ITPKB: variants seen among roughly 807,000 people sequenced by gnomAD.
The protein encoded by ITPKB is IP3 3-kinase B.
A neutral mutation model predicts 69.4 loss-of-function variants in ITPKB; 13 were observed. That is an observed-to-expected ratio of 0.19 (90% CI 0.12 to 0.30). The LOEUF is 0.30. Ranked by LOEUF, ITPKB falls within the 10% of genes least tolerant of loss-of-function variation. The pLI is 1.00. For synonymous variants in ITPKB, 584 were observed against 513.7 expected (o/e 1.14, Z -1.85); for missense variants, 1,240 against 1,250.5 (o/e 0.99, Z 0.13).
At chr1:226,649,917 A>G (rs537442216) in intron 2 of ITPKB, among the ~76,000 whole-genome samples, 1 of 152,310 alleles carries the variant, frequency 6.6e-6, no homozygotes, top group South Asian at 2.1e-4. Flanking sequence ...CAGGCTGCAG[A>G]GATGAAGATC....
intron 2 of ITPKB, among the ~76,000 whole-genome samples, chr1:226,660,396 C>T (rs557634027): frequency 4.9e-4 from 75 of 152,340 alleles, no homozygotes; most frequent in African/African-American, 1.5e-3. Flanking sequence ...TCTTGCTAAA[C>T]CAGAGTCTTT....
intron 2 of ITPKB, among the ~76,000 whole-genome samples, chr1:226,716,576 G>A (rs1052501062): frequency 2.6e-5 from 4 of 151,996 alleles, no homozygotes; most frequent in African/African-American, 7.3e-5. Flanking sequence ...ACCTCCACCC[G>A]CAAAAGGCCT....
intron 2 of ITPKB, among the ~76,000 whole-genome samples, chr1:226,708,133 T>A (rs1656855900): frequency 1.3e-5 from 2 of 152,192 alleles, no homozygotes. Flanking sequence ...ACAATCAGAT[T>A]GCAATTATGT....
rs1197178907 is a variant in ITPKB, at chr1:226,693,644, AT to A, written c.1932+41882del. On this transcript the variant is annotated intron_variant, in intron 2 of 7. Coordinates refer to ENST00000429204, the MANE Select transcript of ITPKB (RefSeq NM_002221.4). The stretch of plus-strand genomic sequence containing the variant: ...CTCTATCATATTCTATTTTATTAAA[AT>A]CTATTGGTTGTAACCATCTAAATTG... Among the ~76,000 whole-genome samples the A allele has an allele frequency of 2.0e-5, 3 of 152,310 alleles. No individual in the cohort carries two copies. In the East Asian group the frequency reaches 5.8e-4, roughly 29 times the overall value.
At chr1:226,735,458 GA>G in intron 2 of ITPKB, 68 bp downstream of exon 2, 1 of 1,424,674 alleles carries the variant, frequency 7.0e-7, no homozygotes. Context: ...AAGAAAAAGG[GA>G]TGCATAGGGC....
chr1:226,736,623 C>T lies in ITPKB; in HGVS notation c.836G>A (p.Gly279Asp). 2 of 1,613,648 alleles carry T rather than the reference C, an allele frequency of 1.2e-6. No homozygotes were observed. Among genetic ancestry groups the T allele is most frequent in the Non-Finnish European group, 1.7e-6 (2 of 1,179,994 alleles). Residue 279 changes from glycine (G) to aspartate (D), a missense_variant, in exon 2 of 8, where the codon GGC becomes GAC. Transcript: ENST00000429204. ...GCTCCGAGTTCCCGGGGTAGGAGAG[C>T]CCCTTTTGTCAATTTCCATAGCTGT... ...SPTAMEIDKRGSPTPGTRSCL... is the reference protein window; with the variant it reads ...SPTAMEIDKRDSPTPGTRSCL...
At chr1:226,733,257 C>G (rs549191011) in intron 2 of ITPKB, among the ~76,000 whole-genome samples, 1 of 152,192 alleles carries the variant, frequency 6.6e-6, no homozygotes, top group South Asian at 2.1e-4. Flanking sequence ...ACAGCAAAGT[C>G]CAGAAAAGAG....
At chr1:226,702,242 C>A (rs1199777537) in intron 2 of ITPKB, among the ~76,000 whole-genome samples, 1 of 151,828 alleles carries the variant, frequency 6.6e-6, no homozygotes, top group Non-Finnish European at 1.5e-5. Flanking sequence ...CTAAAAAATA[C>A]AAAAATTAGC....
At chr1:226,727,904 A>G (rs1400585679) in intron 2 of ITPKB, among the ~76,000 whole-genome samples, 1 of 152,186 alleles carries the variant, frequency 6.6e-6, no homozygotes, top group Non-Finnish European at 1.5e-5. Context: ...CTTGATGCCT[A>G]TGTTTGAGAT....
At chr1:226,726,956 A>AT (rs1047994941) in intron 2 of ITPKB, among the ~76,000 whole-genome samples, 4 of 152,138 alleles carry the variant, frequency 2.6e-5, no homozygotes, top group African/African-American at 9.7e-5. Context: ...AGGTAGTTAG[A>AT]TTTTCCACTT....
intron 2 of ITPKB, among the ~76,000 whole-genome samples, chr1:226,697,293 G>A (rs1425147745): frequency 2.0e-5 from 3 of 152,206 alleles, no homozygotes; most frequent in Admixed American, 6.5e-5. Flanking sequence ...CAGAGGCATA[G>A]TACAGTGTCT....
At chr1:226,675,660 T>G (rs951653018) in intron 2 of ITPKB, among the ~76,000 whole-genome samples, 1 of 152,210 alleles carries the variant, frequency 6.6e-6, no homozygotes, top group Admixed American at 6.5e-5. Flanking sequence ...TGCTTCTCGA[T>G]TTCTACTTCC....
chr1:226,638,445 T>A (rs1159137117), intron 6 of ITPKB, among the ~76,000 whole-genome samples: 1 of 152,180 alleles, frequency 6.6e-6, no homozygotes, highest in Non-Finnish European at 1.5e-5. Context: ...CCGCCCCCAC[T>A]TGCTCTGCAG....
rs1668740197 is a variant in ITPKB, at chr1:226,632,052, G to C, written c.*2619C>G. 6.6e-6 allele frequency: 1 copy of C among 152,650 alleles called. No individual in the cohort carries two copies. 9.5% of individuals were successfully genotyped at this position (152,650 alleles called of 1,614,324 possible). A position where few individuals can be genotyped will look rare whatever the true frequency, so the allele number is the denominator to read the frequency against. On this transcript the variant is annotated 3_prime_UTR_variant, in exon 8 of 8. Coordinates refer to ENST00000429204, the MANE Select transcript of ITPKB (RefSeq NM_002221.4). The stretch of plus-strand genomic sequence containing the variant: ...GCAAAGCTTTCAAGGAGAAACAAGA[G>C]TCCAGCCTTTCGGTCTTAGTGTTCT...
At chr1:226,705,375 C>G (rs777852971) in intron 2 of ITPKB, among the ~76,000 whole-genome samples, 1 of 152,022 alleles carries the variant, frequency 6.6e-6, no homozygotes, top group Non-Finnish European at 1.5e-5. Flanking sequence ...GCTAAAAATA[C>G]AAAATGAGCC....
At chr1:226,649,522 T>C (rs1037572992) in intron 2 of ITPKB, among the ~76,000 whole-genome samples, 3 of 148,438 alleles carry the variant, frequency 2.0e-5, no homozygotes, top group African/African-American at 7.5e-5. Context: ...TGCATGTGTG[T>C]GATGTGTGCA....
At chr1:226,684,258 A>G (rs552028377) in intron 2 of ITPKB, among the ~76,000 whole-genome samples, 1 of 152,082 alleles carries the variant, frequency 6.6e-6, no homozygotes, top group South Asian at 2.1e-4. Context: ...CCCCCAAGAA[A>G]CTCAAAGTAG....
chr1:226,661,038 C>T (rs573297938), intron 2 of ITPKB, among the ~76,000 whole-genome samples: 4 of 152,354 alleles, frequency 2.6e-5, no homozygotes, highest in African/African-American at 4.8e-5. Context: ...CTTCACTGAT[C>T]GGCAGACAAT....
chr1:226,667,354 G>A (rs1291226621), intron 2 of ITPKB, among the ~76,000 whole-genome samples: 1 of 152,220 alleles, frequency 6.6e-6, no homozygotes, highest in Non-Finnish European at 1.5e-5. Context: ...AGACCCAAGA[G>A]TCTGGTTGAG....
Sources: allele counts gnomAD v4.1 joint callset (sites outside exome capture counted in the v4.1 genomes callset), GRCh38; gene constraint gnomAD v4.1.1; transcripts MANE v1.5; gene names NCBI Gene and HGNC (gene_info 2026-07-23, HGNC 2026-07-21).